CCDC178: variants seen among roughly 807,000 people sequenced by gnomAD.
CCDC178 encodes coiled-coil domain containing 178, also known as coiled-coil domain-containing protein 178.
A neutral mutation model predicts 117.4 loss-of-function variants in CCDC178; 126 were observed. The ratio of observed to expected loss-of-function variants is 1.07; its 90% CI spans 0.93 to 1.24. The LOEUF (loss-of-function observed/expected upper bound fraction) is 1.24. Among genes scored for constraint, CCDC178 ranks in the 50% most tolerant of loss-of-function variants. The pLI is 0.00. For synonymous variants in CCDC178, 283 were observed against 313.4 expected (o/e 0.90, Z 1.02); for missense variants, 1,030 against 986.9 (o/e 1.04, Z -0.59).
chr18:33,086,417 A>AAT (rs1318096366), intron 21 of CCDC178, among the ~76,000 whole-genome samples: 6 of 149,604 alleles, frequency 4.0e-5, no homozygotes, highest in East Asian at 2.0e-4. Flanking sequence ...TACATATATA[A>AAT]ATATATATAC....
chr18:33,088,391 C>T (rs142116458), intron 21 of CCDC178, among the ~76,000 whole-genome samples: 1 of 152,144 alleles, frequency 6.6e-6, no homozygotes, highest in East Asian at 1.9e-4. Flanking sequence ...GATATCTTAA[C>T]AATATTGAGT....
chr18:33,122,391 A>G (rs2057948722), intron 20 of CCDC178, among the ~76,000 whole-genome samples: 1 of 152,174 alleles, frequency 6.6e-6, no homozygotes, highest in African/African-American at 2.4e-5. Flanking sequence ...GAGAGACAGA[A>G]GGTATAAAAA....
intron 11 of CCDC178, among the ~76,000 whole-genome samples, chr18:33,308,750 T>C (rs113283968): frequency 2.0e-5 from 3 of 152,234 alleles, no homozygotes; most frequent in African/African-American, 7.2e-5. Context: ...TGATAGCGAG[T>C]AAGCTCTCAC....
At chr18:33,065,922 C>A (rs1010544850) in intron 21 of CCDC178, among the ~76,000 whole-genome samples, 19 of 145,974 alleles carry the variant, frequency 1.3e-4, no homozygotes, top group Non-Finnish European at 2.4e-4. Flanking sequence ...AGTGCAGTGG[C>A]GTGATCTTGG....
chr18:33,361,218 G>A (rs772299290), intron 6 of CCDC178, among the ~76,000 whole-genome samples: 1 of 151,482 alleles, frequency 6.6e-6, no homozygotes, highest in East Asian at 1.9e-4. Context: ...TTTGACAAAG[G>A]CATCAAAAGG....
At chr18:33,173,441 CA>C (rs2058627803) in intron 20 of CCDC178, among the ~76,000 whole-genome samples, 1 of 152,082 alleles carries the variant, frequency 6.6e-6, no homozygotes, top group South Asian at 2.1e-4. Context: ...TGACCTTCCT[CA>C]AAAGTTTCAA....
chr18:33,239,366 T>G (rs1242937667), intron 15 of CCDC178, among the ~76,000 whole-genome samples: 1 of 151,884 alleles, frequency 6.6e-6, no homozygotes, highest in African/African-American at 2.4e-5. Context: ...ATAATAACCT[T>G]GAAAATAAAC....
chr18:33,148,130 C>A (rs567441746), intron 20 of CCDC178, among the ~76,000 whole-genome samples: 1 of 152,204 alleles, frequency 6.6e-6, no homozygotes, highest in Non-Finnish European at 1.5e-5. Flanking sequence ...CCAGCCTGGG[C>A]AACATTGAGC....
At chr18:33,329,558 G>GT (rs1182923538) in intron 10 of CCDC178, among the ~76,000 whole-genome samples, 1 of 152,108 alleles carries the variant, frequency 6.6e-6, no homozygotes, top group Non-Finnish European at 1.5e-5. Flanking sequence ...GTGAGTGTGT[G>GT]TGTTTCCTTT....
intron 20 of CCDC178, among the ~76,000 whole-genome samples, chr18:33,097,489 T>G (rs895888382): frequency 3.3e-5 from 5 of 152,134 alleles, no homozygotes; most frequent in African/African-American, 1.2e-4. Context: ...CCATGATGTT[T>G]TGGAGTATTT....
At chr18:33,113,453 A>G (rs144933452) in intron 20 of CCDC178, among the ~76,000 whole-genome samples, 5 of 152,112 alleles carry the variant, frequency 3.3e-5, no homozygotes, top group South Asian at 4.1e-4. Context: ...CAATAAAATA[A>G]TTTCTGAGGA....
At chr18:33,001,258 G>A (rs2055625905) in intron 21 of CCDC178, among the ~76,000 whole-genome samples, 1 of 152,118 alleles carries the variant, frequency 6.6e-6, no homozygotes, top group African/African-American at 2.4e-5. Context: ...AGTGGCTCAT[G>A]CCTGTAATCC....
intron 21 of CCDC178, among the ~76,000 whole-genome samples, chr18:33,001,345 C>A (rs1359116922): frequency 6.6e-6 from 1 of 151,704 alleles, no homozygotes; most frequent in Non-Finnish European, 1.5e-5. Flanking sequence ...CAGTGAAACC[C>A]CTACTAAAAT....
chr18:33,253,058 T>A lies in CCDC178; in HGVS notation c.1410-7630A>T, dbSNP rs376371452. 1.2e-3 allele frequency among the ~76,000 whole-genome samples: 189 copies of A among 151,960 alleles called. 7 individuals are homozygous for A. The South Asian group carries it at 0.037, about 29-fold the overall frequency. ...GTGAATAAGCAATCAAGTAAAATTG[T>A]TTGCTCAAGTCAAATGTCCCAAATG... On this transcript the variant is annotated intron_variant, in intron 14 of 22. Coordinates refer to ENST00000383096, the MANE Select transcript of CCDC178 (RefSeq NM_001105528.4).
intron 21 of CCDC178, among the ~76,000 whole-genome samples, chr18:33,011,743 C>T (rs4387665): frequency 0.18 from 20,709 of 116,942 alleles, 2,327 homozygotes; most frequent in African/African-American, 0.36. Context: ...CTTAACTTAA[C>T]GTGGCAAATG....
chr18:33,157,851 A>G (rs962618126), intron 20 of CCDC178, among the ~76,000 whole-genome samples: 10 of 152,072 alleles, frequency 6.6e-5, no homozygotes, highest in African/African-American at 2.4e-4. Context: ...TGTTGTCACA[A>G]ATGGATTCCC....
At chr18:33,143,644 T>C (rs2058235803) in intron 20 of CCDC178, among the ~76,000 whole-genome samples, 1 of 152,092 alleles carries the variant, frequency 6.6e-6, no homozygotes, top group Non-Finnish European at 1.5e-5. Context: ...AGACCTTGTG[T>C]GAACAACAGA....
intron 6 of CCDC178, among the ~76,000 whole-genome samples, chr18:33,357,415 C>T (rs1161406095): frequency 6.6e-6 from 1 of 152,112 alleles, no homozygotes; most frequent in Admixed American, 6.6e-5. Flanking sequence ...ATTGTTCTGA[C>T]CTTGTCTCTG....
intron 1 of CCDC178, among the ~76,000 whole-genome samples, chr18:33,440,297 G>A (rs899633378): frequency 3.2e-5 from 4 of 124,796 alleles, no homozygotes; most frequent in Admixed American, 1.6e-4. Context: ...GGGACTGGGG[G>A]ACTGGGGGAC....
Sources: allele counts gnomAD v4.1 joint callset (sites outside exome capture counted in the v4.1 genomes callset), GRCh38; gene constraint gnomAD v4.1.1; transcripts MANE v1.5; gene names NCBI Gene and HGNC (gene_info 2026-07-23, HGNC 2026-07-21).